The following KHNYN variants were observed in gnomAD, a reference collection of about 807,000 sequenced individuals.
The protein encoded by KHNYN is KH and NYN domain containing.
A neutral mutation model predicts 62.7 loss-of-function variants in KHNYN; 42 were observed. The observed-to-expected ratio is 0.67, with a 90% CI of 0.52 to 0.87. The LOEUF is 0.87. Ranked by LOEUF, KHNYN falls within the 40% of genes least tolerant of loss-of-function variation. KHNYN has a pLI of 0.00. For synonymous variants in KHNYN, 347 were observed against 345.6 expected, an observed-to-expected ratio of 1.00 and a Z score of -0.04; for missense variants, 829 against 874.1, an observed-to-expected ratio of 0.95 and a Z score of 0.65.
intron 1 of KHNYN, 26 bp from the exon 2 acceptor site, chr14:24,430,688 C>T (rs2043090421): frequency 6.5e-7 from 1 of 1,548,344 alleles, no homozygotes. Context: ...TACAATGAGG[C>T]TCTGAGCTGC....
chr14:24,435,794 G>T, intron 5 of KHNYN: 1 of 479,062 alleles, frequency 2.1e-6, no homozygotes. Context: ...CTGTAGCTGG[G>T]TCAAGGTGAG....
At position 24,430,830 on chromosome 14, in the gene KHNYN, A is replaced by T; in HGVS notation, c.100A>T (p.Ile34Phe). The change falls in exon 2 of 8, where the codon ATC (isoleucine) becomes TTC (phenylalanine). Residue 34 changes from isoleucine to phenylalanine, a missense_variant. Ile to Phe is a conservative substitution (Grantham distance 21, BLOSUM62 0). Coordinates refer to ENST00000553935, the MANE Select transcript of KHNYN (RefSeq NM_015299.3). ...GGAACAGCAGCCCCATGTGGAGCGC[A>T]TCTTCAGCGTGGGGGTGAGCGTCCT... Reference protein sequence around the residue: ...VREQQPHVERIFSVGVSVLPK... With the variant: ...VREQQPHVERFFSVGVSVLPK... The T allele has an allele frequency of 1.9e-6, 3 of 1,613,288 alleles. No individual in the cohort carries two copies. The highest frequency in any genetic ancestry group is 2.5e-6 in the Non-Finnish European group (3 of 1,179,666).
Position 24,441,483 on chromosome 14 carries a change from C to A in KHNYN, c.*4198C>A. ...CCCTGGCATTGAGTGATGCCACTCC[C>A]CACTGTTTTTTCAGGGTCTCAATTT... is the stretch of plus-strand genomic sequence containing the variant. On this transcript the variant is annotated 3_prime_UTR_variant, in exon 8 of 8. Coordinates refer to ENST00000553935, the MANE Select transcript of KHNYN (RefSeq NM_015299.3). 1.8e-6 allele frequency: 1 copy of A among 548,892 alleles called. No individual in the cohort carries two copies. The highest frequency in any genetic ancestry group is 3.1e-6 in the Non-Finnish European group (1 of 319,260). The allele number at this position is 548,892 out of a possible 1,614,324, so 34.0% of individuals were successfully genotyped here.
chr14:24,431,979 A>G lies in KHNYN; in HGVS notation c.718A>G (p.Met240Val), dbSNP rs774470924. 1.6e-5 allele frequency: 26 copies of G among 1,612,234 alleles called. No individual in the cohort carries two copies. The highest frequency in any genetic ancestry group is 4.5e-5 in the East Asian group (2 of 44,850). ...DGRESLDTGSMGPGDCRGARG... is the reference protein window; with the variant it reads ...DGRESLDTGSVGPGDCRGARG... ...CAGGGAGTCCCTGGACACTGGATCT[A>G]TGGGACCCGGAGATTGCAGGGGAGC... The change falls in exon 3 of 8, where the codon ATG becomes GTG. Residue 240 changes from methionine to valine, a missense_variant. Around this residue, in one of 2 missense-constraint regions of KHNYN, gnomAD observed 559 missense variants for 527.0 expected, o/e 1.06. Transcript: ENST00000553935.
chr14:24,430,816 C>T lies in KHNYN; in HGVS notation c.86C>T (p.Pro29Leu), dbSNP rs768471448. 7 of 1,612,460 alleles carry T rather than the reference C, an allele frequency of 4.3e-6. No homozygotes were observed. The South Asian group carries it at 6.6e-5, about 15-fold the overall frequency. ...EAENKVREQQ[P>L]HVERIFSVGV... ...GAGAACAAGGTTCGGGAACAGCAGCCCCATGTGGAGCGCATCTTCAGCGTG... is the reference window on the plus strand; with the variant it reads ...GAGAACAAGGTTCGGGAACAGCAGCTCCATGTGGAGCGCATCTTCAGCGTG... Residue 29 changes from proline (P) to leucine (L), a missense_variant, in exon 2 of 8, where the codon CCC (proline) becomes CTC (leucine). By Grantham distance (98) the Pro-to-Leu change is moderately conservative. Transcript: ENST00000553935.
rs759606263 is a variant in KHNYN at position 24,437,253 on chromosome 14, C to T, written c.2005C>T (p.Leu669=). ...REPYCRDINQ[L]SEALLSLNF is the part of the protein sequence containing the mutation. ...GCCATACTGCCGGGACATCAACCAA[C>T]TGTCTGAGGCCCTGCTCAGTCTTAA... is the stretch of plus-strand genomic sequence containing the variant. Residue 669 remains leucine (L), a synonymous_variant, in exon 8 of 8, where the codon CTG becomes TTG. Coordinates refer to ENST00000553935, the MANE Select transcript of KHNYN (RefSeq NM_015299.3). The surrounding 1 kb of genome is among the most constrained non-coding windows in gnomAD (Gnocchi z 5.5). 6.2e-6 allele frequency: 10 copies of T among 1,614,100 alleles called. 1 individual carries two copies. The South Asian group carries it at 1.1e-4, about 18-fold the overall frequency.
upstream of KHNYN, chr14:24,426,970 G>A (rs2043026420): frequency 6.6e-6 from 1 of 152,342 alleles, no homozygotes; most frequent in Non-Finnish European, 1.5e-5. Flanking sequence ...AGCAGTTTCA[G>A]GAGGTGGCCA....
upstream of KHNYN, among the ~76,000 whole-genome samples, chr14:24,425,060 G>T (rs906804118): frequency 2.0e-5 from 3 of 152,176 alleles, no homozygotes; most frequent in African/African-American, 7.2e-5. Flanking sequence ...AATTAGCTGG[G>T]TGTGGTGGCT....
chr14:24,429,716 A>G, upstream of KHNYN: 1 of 985,372 alleles, frequency 1.0e-6, no homozygotes, highest in African/African-American at 1.7e-5. Flanking sequence ...AACAACTTTC[A>G]ACGCATGGTT....
In KHNYN at chr14:24,432,369, T is replaced by G; in HGVS notation, c.1108T>G (p.Cys370Gly). Residue 370 changes from cysteine to glycine, a missense_variant, in exon 3 of 8, where the codon TGT becomes GGT. Physicochemically the swap from Cys to Gly is radical, Grantham distance 159. Around this residue, in one of 2 missense-constraint regions of KHNYN, gnomAD observed 559 missense variants for 527.0 expected, o/e 1.06. Coordinates refer to ENST00000553935, the MANE Select transcript of KHNYN (RefSeq NM_015299.3). This position sits in a 1 kb window ranked among gnomAD's most constrained non-coding sequence, Gnocchi z 5.6. The stretch of plus-strand genomic sequence containing the variant: ...ACCTGCACCGGAACCCCCATGGCAC[T>G]GTGGAGACCGGGGTGACTGCGGAGA... ...PPPAPEPPWH[C>G]GDRGDCGDRG... The G allele has an allele frequency of 6.2e-7, 1 of 1,613,806 alleles. No homozygotes were observed. The highest frequency in any genetic ancestry group is 1.1e-5 in the South Asian group (1 of 91,080).
At chr14:24,429,608 C>T, upstream of KHNYN, 1 of 971,434 alleles carries the variant, frequency 1.0e-6, no homozygotes, top group Non-Finnish European at 1.3e-6. Context: ...CCGCCTACCC[C>T]CTCCGCCACG....
chr14:24,427,875 G>A (rs753104573), upstream of KHNYN: 57 of 1,613,934 alleles, frequency 3.5e-5, no homozygotes, highest in African/African-American at 4.0e-5. The surrounding 1 kb of genome is among the most constrained non-coding windows in gnomAD (Gnocchi z 4.4). Flanking sequence ...AGAGACACTC[G>A]GTCCCCAGGG....
upstream of KHNYN, chr14:24,428,059 C>T (rs2043039957): frequency 6.7e-7 from 1 of 1,498,202 alleles, no homozygotes; most frequent in Non-Finnish European, 9.1e-7. Context: ...CCAGGAGCTT[C>T]CTCTTGGGAA....
At position 24,441,753 on chromosome 14, in the gene KHNYN, T is replaced by C. The variant is rs759094152; in HGVS notation, c.*4468T>C. On this transcript the variant is annotated 3_prime_UTR_variant, in exon 8 of 8. Transcript: ENST00000553935. The stretch of plus-strand genomic sequence containing the variant: ...CTTTAGCCAGCAATTGGGTGGTCTC[T>C]AGGCGGCTGCCGATTACCTCTTTTT... The C allele has an allele frequency of 6.2e-7, 1 of 1,603,190 alleles. No individual in the cohort carries two copies. The highest frequency in any genetic ancestry group is 2.2e-5 in the East Asian group (1 of 44,860).
chr14:24,423,335 T>C, the KHNYN span, among the ~76,000 whole-genome samples: 2 of 144,716 alleles, frequency 1.4e-5, no homozygotes, highest in African/African-American at 5.2e-5. Context: ...AGGGAAGGAG[T>C]GAGTAGAAAG....
At chr14:24,429,789 G>A, upstream of KHNYN, 2 of 1,085,896 alleles carry the variant, frequency 1.8e-6, no homozygotes, top group Non-Finnish European at 2.3e-6. Flanking sequence ...AGACAGACGG[G>A]AGGGCTGGTG....
In KHNYN at chr14:24,430,216, G is replaced by GGGCCCGGCCC. The variant is rs1221752134; in HGVS notation, c.-18+108_-18+117dup. 23 of 914,170 alleles carry GGGCCCGGCCC rather than the reference G, an allele frequency of 2.5e-5. 1 individual carries two copies. Among genetic ancestry groups the GGGCCCGGCCC allele is most frequent in the East Asian group, 1.2e-4 (1 of 8,430 alleles). The allele number at this position is 914,170 out of a possible 1,614,324, so 56.6% of individuals were successfully genotyped here. On this transcript the variant is annotated intron_variant, in intron 1 of 7. Transcript: ENST00000553935. ...GTGGCTGCCCCAGTCCGCGGTGGGC[G>GGGCCCGGCCC]GGCCCGGCCCGGCCCGGCCCCTGGG...
rs748104676 is a variant in KHNYN, at chr14:24,441,729, T to A, written c.*4444T>A. Reference sequence around the variant, plus strand: ...GGGGTTGTGGGGCTTTGGTGATGGCTTTAGCCAGCAATTGGGTGGTCTCTA... The same window carrying A: ...GGGGTTGTGGGGCTTTGGTGATGGCATTAGCCAGCAATTGGGTGGTCTCTA... On this transcript the variant is annotated 3_prime_UTR_variant, in exon 8 of 8. Coordinates refer to ENST00000553935, the MANE Select transcript of KHNYN (RefSeq NM_015299.3). The A allele has an allele frequency of 6.2e-7, 1 of 1,602,254 alleles. No individual in the cohort carries two copies. The highest frequency in any genetic ancestry group is 1.1e-5 in the South Asian group (1 of 88,974).
chr14:24,429,138 G>C, upstream of KHNYN: 1 of 1,402,032 alleles, frequency 7.1e-7, no homozygotes, highest in South Asian at 1.5e-5. Context: ...TCTCACCGCC[G>C]GCACCCTGAT....
Sources: allele counts gnomAD v4.1 joint callset (sites outside exome capture counted in the v4.1 genomes callset), GRCh38; gene constraint gnomAD v4.1.1; regional missense constraint gnomAD v4.1.1; non-coding constraint Gnocchi (gnomAD v3.1); transcripts MANE v1.5; gene names NCBI Gene and HGNC (gene_info 2026-07-23, HGNC 2026-07-21).